The following DESI2 variants were observed in gnomAD, a reference collection of about 807,000 sequenced individuals.
DESI2 encodes deubiquitinase DESI2.
A neutral mutation model predicts 24.1 loss-of-function variants in DESI2; 10 were observed. The observed-to-expected ratio is 0.41, with a 90% CI of 0.26 to 0.70. The LOEUF is 0.70. Among genes scored for constraint, DESI2 ranks in the 30% least tolerant of loss-of-function variants. DESI2 has a pLI of 0.29. For missense variants in DESI2, 122 were observed against 234.9 expected (o/e 0.52, Z 3.14); for synonymous variants, 71 against 87.7 (o/e 0.81, Z 1.06).
At chr1:244,692,096 C>G in intron 4 of DESI2, 76 bp downstream of exon 4, 1 of 1,258,162 alleles carries the variant, frequency 7.9e-7, no homozygotes, top group South Asian at 1.4e-5. Flanking sequence ...CCACTATATT[C>G]GATCTTGATT....
intron 1 of DESI2, among the ~76,000 whole-genome samples, chr1:244,675,788 C>G (rs1015816759): frequency 6.6e-6 from 1 of 152,052 alleles, no homozygotes. Context: ...TTAAATTTGT[C>G]AATTTCTGCA....
chr1:244,688,667 C>T (rs1676905693), intron 2 of DESI2, among the ~76,000 whole-genome samples: 1 of 151,970 alleles, frequency 6.6e-6, no homozygotes, highest in Non-Finnish European at 1.5e-5. Context: ...ATAGTTTATC[C>T]TAGCTAAAAG....
At chr1:244,682,982 A>G (rs1221725538) in intron 1 of DESI2, among the ~76,000 whole-genome samples, 3 of 152,168 alleles carry the variant, frequency 2.0e-5, no homozygotes, top group African/African-American at 4.8e-5. Flanking sequence ...ACTGTGTTCA[A>G]CTCCAAACAC....
chr1:244,700,131 A>G (rs932152682), intron 4 of DESI2, among the ~76,000 whole-genome samples: 7 of 152,106 alleles, frequency 4.6e-5, no homozygotes, highest in African/African-American at 1.2e-4. Flanking sequence ...TCGCTTGCCA[A>G]TTTTGTTTCA....
Position 244,689,367 on chromosome 1 carries a change from T to A in DESI2, c.209+25T>A. 9.0e-7 allele frequency: 1 copy of A among 1,110,336 alleles called. No individual in the cohort carries two copies. The highest frequency in any genetic ancestry group is 1.4e-6 in the Non-Finnish European group (1 of 721,510). The allele number at this position is 1,110,336 out of a possible 1,614,324, so 68.8% of individuals were successfully genotyped here. A position where few individuals can be genotyped will look rare whatever the true frequency, so the allele number is the denominator to read the frequency against. ...AGTAAGTAGGGAGGATAATTTTTAT[T>A]ACACTGTCTTAGGTGCCATAGCTTG... On this transcript the variant is annotated intron_variant, in intron 3 of 4. Coordinates refer to ENST00000302550, the MANE Select transcript of DESI2 (RefSeq NM_016076.5). The surrounding 1 kb of genome is among the most constrained non-coding windows in gnomAD (Gnocchi z 4.0).
chr1:244,673,553 T>C (rs1018036818), intron 1 of DESI2, among the ~76,000 whole-genome samples: 1 of 152,226 alleles, frequency 6.6e-6, no homozygotes, highest in Non-Finnish European at 1.5e-5. Context: ...CAGCCTGTAA[T>C]TTAAGAAGTA....
rs996797508 is a variant in DESI2, at chr1:244,689,552, C to T, written c.209+210C>T. Among the ~76,000 whole-genome samples, 1 of 152,072 alleles carries T rather than the reference C, an allele frequency of 6.6e-6. No homozygotes were observed. The highest frequency in any genetic ancestry group is 1.5e-5 in the Non-Finnish European group (1 of 68,036). On this transcript the variant is annotated intron_variant, in intron 3 of 4. Coordinates refer to ENST00000302550, the MANE Select transcript of DESI2 (RefSeq NM_016076.5). This position sits in a 1 kb window ranked among gnomAD's most constrained non-coding sequence, Gnocchi z 4.0. ...TGAGATGGAGTCTCACTCTGTCTCC[C>T]AGGCTGGAGAGAAGTGGCGTGATCT...
intron 1 of DESI2, among the ~76,000 whole-genome samples, chr1:244,668,392 C>T (rs947978825): frequency 3.3e-5 from 5 of 152,016 alleles, no homozygotes; most frequent in Admixed American, 6.6e-5. Flanking sequence ...AATTAGCCCA[C>T]GATCTCCACT....
At chr1:244,677,261 G>C (rs1365485262) in intron 1 of DESI2, among the ~76,000 whole-genome samples, 2 of 152,086 alleles carry the variant, frequency 1.3e-5, no homozygotes, top group East Asian at 1.9e-4. Flanking sequence ...TAGATTTTCT[G>C]TATCTTCTTG....
At position 244,680,512 on chromosome 1, in the gene DESI2, C is replaced by G. The variant is rs553039204; in HGVS notation, c.43-6085C>G. On this transcript the variant is annotated intron_variant, in intron 1 of 4. Transcript: ENST00000302550. ...CCTGATTTTTCCTTATGGTTGTCTTCTGGTTTAACACATTTGACAGGAAAA... is the reference window on the plus strand; with the variant it reads ...CCTGATTTTTCCTTATGGTTGTCTTGTGGTTTAACACATTTGACAGGAAAA... Among the ~76,000 whole-genome samples the G allele has an allele frequency of 2.6e-5, 4 of 152,024 alleles. No individual in the cohort carries two copies. In the South Asian group the frequency reaches 6.2e-4, roughly 24 times the overall value.
intron 3 of DESI2, among the ~76,000 whole-genome samples, chr1:244,691,281 G>A (rs140901166): frequency 1.0e-3 from 155 of 152,338 alleles, no homozygotes; most frequent in African/African-American, 3.7e-3. Flanking sequence ...AGAGACGGGG[G>A]TTTCACCGTG....
intron 1 of DESI2, among the ~76,000 whole-genome samples, chr1:244,667,519 A>C (rs1164800509): frequency 6.6e-6 from 1 of 152,186 alleles, no homozygotes; most frequent in African/African-American, 2.4e-5. Flanking sequence ...TATTATTACT[A>C]TTCCCATTTT....
chr1:244,703,849 G>A (rs1677581559), intron 4 of DESI2, among the ~76,000 whole-genome samples: 1 of 151,984 alleles, frequency 6.6e-6, no homozygotes. Context: ...TAGTAGAGAT[G>A]GGGTTTCACT....
intron 4 of DESI2, among the ~76,000 whole-genome samples, chr1:244,698,967 A>G (rs1356295737): frequency 6.6e-6 from 1 of 152,180 alleles, no homozygotes; most frequent in East Asian, 1.9e-4. Flanking sequence ...CCCTGTGCCT[A>G]CCCATCTTAC....
chr1:244,660,879 T>C (rs893011883), intron 1 of DESI2, among the ~76,000 whole-genome samples: 5 of 152,222 alleles, frequency 3.3e-5, no homozygotes, highest in African/African-American at 9.6e-5. Context: ...GTTTTAATTA[T>C]TATACTTTCA....
rs550415181 is a variant in DESI2, at chr1:244,670,557, A to G, written c.43-16040A>G. 3.0e-3 allele frequency among the ~76,000 whole-genome samples: 459 copies of G among 152,342 alleles called. 3 individuals are homozygous for G. Among genetic ancestry groups the G allele is most frequent in the African/African-American group, 0.011 (443 of 41,580 alleles). On this transcript the variant is annotated intron_variant, in intron 1 of 4. Coordinates refer to ENST00000302550, the MANE Select transcript of DESI2 (RefSeq NM_016076.5). Reference sequence around the variant, plus strand: ...AAGCACTCTTCTAAGTACTTTATACATACTAATTTATTTATTCTTCATAAC... The same window carrying G: ...AAGCACTCTTCTAAGTACTTTATACGTACTAATTTATTTATTCTTCATAAC...
chr1:244,702,437 C>T (rs1263513042), intron 4 of DESI2, among the ~76,000 whole-genome samples: 1 of 152,192 alleles, frequency 6.6e-6, no homozygotes, highest in Non-Finnish European at 1.5e-5. Context: ...TCGCCTGAAC[C>T]TGGCAGGTGG....
At chr1:244,697,298 A>C (rs1677255525) in intron 4 of DESI2, among the ~76,000 whole-genome samples, 1 of 152,010 alleles carries the variant, frequency 6.6e-6, no homozygotes, top group African/African-American at 2.4e-5. Context: ...ACTTGAGGTC[A>C]GGAGTTTGAG....
intron 1 of DESI2, among the ~76,000 whole-genome samples, chr1:244,667,159 C>T (rs1331874029): frequency 1.3e-5 from 2 of 152,104 alleles, no homozygotes; most frequent in Non-Finnish European, 2.9e-5. Context: ...TTAGCAGTCC[C>T]CTAAAGTCTT....
Sources: gnomAD v4.1 joint callset for allele counts (sites outside exome capture counted in the v4.1 genomes callset) on GRCh38, gnomAD v4.1.1 for gene constraint, Gnocchi (gnomAD v3.1) non-coding constraint, MANE v1.5 for transcripts, NCBI Gene and HGNC (gene_info 2026-07-23, HGNC 2026-07-21) for gene names.